TPD52L1: variants seen among roughly 807,000 people sequenced by gnomAD.
The protein encoded by TPD52L1 is TPD52 like 1.
Under a neutral mutation model 28.7 loss-of-function variants are expected in TPD52L1, and 18 were observed. The ratio of observed to expected loss-of-function variants is 0.63; its 90% CI spans 0.43 to 0.93. TPD52L1 has a LOEUF of 0.93. TPD52L1 is among the 40% of genes least tolerant of loss of function. TPD52L1 has a pLI of 0.00. For missense variants in TPD52L1, 203 were observed against 254.8 expected, an observed-to-expected ratio of 0.80 and a Z score of 1.39; for synonymous variants, 75 against 88.8, an observed-to-expected ratio of 0.84 and a Z score of 0.88.
chr6:125,247,074 G>A (rs1796961869), intron 3 of TPD52L1, among the ~76,000 whole-genome samples: 1 of 151,976 alleles, frequency 6.6e-6, no homozygotes, highest in African/African-American at 2.4e-5. Context: ...ATATTCACTA[G>A]AGCCTGAGAT....
At chr6:125,213,708 C>A (rs1461749285) in intron 1 of TPD52L1, among the ~76,000 whole-genome samples, 3 of 152,112 alleles carry the variant, frequency 2.0e-5, no homozygotes, top group Admixed American at 2.0e-4. Flanking sequence ...ACACGAGGGG[C>A]CTCTCTGTCC....
intron 1 of TPD52L1, among the ~76,000 whole-genome samples, chr6:125,164,376 G>A (rs981464330): frequency 1.4e-4 from 22 of 152,214 alleles, no homozygotes; most frequent in African/African-American, 4.8e-4. Flanking sequence ...CTGTTTTCAA[G>A]ATGAAGAATT....
intron 3 of TPD52L1, among the ~76,000 whole-genome samples, chr6:125,236,552 A>G (rs1361939177): frequency 6.6e-6 from 1 of 152,228 alleles, no homozygotes; most frequent in Non-Finnish European, 1.5e-5. Context: ...GTTAAACTAC[A>G]TGGAAAAGCT....
intron 1 of TPD52L1, among the ~76,000 whole-genome samples, chr6:125,165,085 G>GATATATATATATATATATATATATAT (rs1554201225): frequency 4.3e-5 from 2 of 46,764 alleles, no homozygotes; most frequent in African/African-American, 4.9e-4. Flanking sequence ...TTAAAAAAAA[G>GATATATATATATATATATATATATAT]ATATATATAT....
At chr6:125,237,388 C>T (rs1796330989) in intron 3 of TPD52L1, among the ~76,000 whole-genome samples, 1 of 152,098 alleles carries the variant, frequency 6.6e-6, no homozygotes, top group Non-Finnish European at 1.5e-5. Context: ...AAGTAGACTC[C>T]ACATCTATTC....
At chr6:125,195,062 T>G (rs576588685) in intron 1 of TPD52L1, among the ~76,000 whole-genome samples, 1 of 152,362 alleles carries the variant, frequency 6.6e-6, no homozygotes, top group African/African-American at 2.4e-5. Flanking sequence ...GGCACACAAT[T>G]GCAGCAATTT....
At chr6:125,212,840 A>G (rs1794612577) in intron 1 of TPD52L1, among the ~76,000 whole-genome samples, 2 of 152,232 alleles carry the variant, frequency 1.3e-5, no homozygotes, top group South Asian at 2.1e-4. Flanking sequence ...AAATGGAGTC[A>G]TCACTGGCTA....
chr6:125,261,050 A>G (rs1798024834), intron 6 of TPD52L1: 9 of 149,088 alleles, frequency 6.0e-5, no homozygotes, highest in South Asian at 2.1e-4. Context: ...GAAAGAAAGA[A>G]AAGGGGAAGG....
At chr6:125,249,165 G>C (rs530329531) in intron 4 of TPD52L1, among the ~76,000 whole-genome samples, 47 of 150,788 alleles carry the variant, frequency 3.1e-4, no homozygotes, top group Middle Eastern at 3.5e-3. Context: ...ATATTATATA[G>C]AGGTATTACT....
chr6:125,155,343 A>C (rs1191511438), intron 1 of TPD52L1, among the ~76,000 whole-genome samples: 1 of 152,244 alleles, frequency 6.6e-6, no homozygotes, highest in East Asian at 1.9e-4. Flanking sequence ...TCCCAGTCAA[A>C]CTGGAATCTT....
chr6:125,249,331 AT>A (rs949007269), intron 4 of TPD52L1, among the ~76,000 whole-genome samples: 5 of 151,566 alleles, frequency 3.3e-5, no homozygotes, highest in African/African-American at 4.8e-5. Context: ...AAAAAAAAAA[AT>A]CTCTGCGTAT....
chr6:125,254,531 G>A (rs980719491), intron 5 of TPD52L1, among the ~76,000 whole-genome samples: 1 of 151,962 alleles, frequency 6.6e-6, no homozygotes, highest in Non-Finnish European at 1.5e-5. Context: ...TCCACCCACC[G>A]AGCCCTAAGG....
chr6:125,230,128 G>A (rs775172930), intron 3 of TPD52L1, among the ~76,000 whole-genome samples: 1 of 152,104 alleles, frequency 6.6e-6, no homozygotes, highest in African/African-American at 2.4e-5. Flanking sequence ...TGCCATTATC[G>A]TCCTGTCTTG....
chr6:125,185,829 A>G (rs1202795291), intron 1 of TPD52L1, among the ~76,000 whole-genome samples: 3 of 152,064 alleles, frequency 2.0e-5, no homozygotes, highest in African/African-American at 4.8e-5. Context: ...GAAAACAAAC[A>G]TAACCAAAAT....
chr6:125,203,298 T>C (rs766009167), intron 1 of TPD52L1, among the ~76,000 whole-genome samples: 5 of 152,218 alleles, frequency 3.3e-5, no homozygotes, highest in Non-Finnish European at 7.3e-5. Context: ...TATATTTTTG[T>C]TTGTTTTTTT....
Position 125,256,855 on chromosome 6 carries a change from C to T in TPD52L1, c.426-243C>T, listed in dbSNP as rs571336835. Among the ~76,000 whole-genome samples, 10 of 152,314 alleles carry T rather than the reference C, an allele frequency of 6.6e-5. No homozygotes were observed. The Middle Eastern group carries it at 0.014, about 207-fold the overall frequency. On this transcript the variant is annotated intron_variant, in intron 5 of 6. Transcript: ENST00000534000. The stretch of plus-strand genomic sequence containing the variant: ...TTACAGTTGTGTCATTGCCAAATAC[C>T]ATATTATTTACTGTATTGTGTACTG...
At chr6:125,165,701 C>G (rs1322091257) in intron 1 of TPD52L1, among the ~76,000 whole-genome samples, 2 of 152,212 alleles carry the variant, frequency 1.3e-5, no homozygotes, top group Admixed American at 6.5e-5. Flanking sequence ...CTTGGAAATA[C>G]ATTTTTCTTA....
In TPD52L1 at chr6:125,230,250, C is replaced by A. The variant is rs191647569; in HGVS notation, c.284+984C>A. Among the ~76,000 whole-genome samples, 431 of 152,116 alleles carry A rather than the reference C, an allele frequency of 2.8e-3. 4 individuals carry two copies. The highest frequency in any genetic ancestry group is 5.4e-3 in the Non-Finnish European group (369 of 67,996). On this transcript the variant is annotated intron_variant, in intron 3 of 6. Transcript: ENST00000534000. ...TGATGATGGTACTTTTCTAATGTTG[C>A]AAAGTATTTTACCTGCTGGGGGTCT...
intron 1 of TPD52L1, among the ~76,000 whole-genome samples, chr6:125,171,786 G>A (rs770064410): frequency 4.5e-4 from 69 of 152,176 alleles, no homozygotes; most frequent in Non-Finnish European, 7.5e-4. Context: ...ACCCAGCTAA[G>A]CTGTGCCTGG....
Sources: allele counts gnomAD v4.1 joint callset (sites outside exome capture counted in the v4.1 genomes callset), GRCh38; gene constraint gnomAD v4.1.1; transcripts MANE v1.5; gene names NCBI Gene and HGNC (gene_info 2026-07-23, HGNC 2026-07-21).